EZH1: variants seen among roughly 807,000 people sequenced by gnomAD.
EZH1 encodes the protein enhancer of zeste 1 polycomb repressive complex 2 subunit.
Under a neutral mutation model 100.5 loss-of-function variants are expected in EZH1, and 33 were observed. The ratio of observed to expected loss-of-function variants is 0.33; its 90% CI spans 0.25 to 0.44. EZH1 has a LOEUF of 0.44. EZH1 is among the 20% of genes least tolerant of loss of function. The pLI, the probability that EZH1 is intolerant of heterozygous loss-of-function variation, is 1.00. For synonymous variants in EZH1, 272 were observed against 313.8 expected (o/e 0.87, Z 1.41); for missense variants, 475 against 928.4 (o/e 0.51, Z 6.35).
rs901018657 is a variant in EZH1, at chr17:42,718,155, G to T, written c.932-88C>A. 23 of 1,201,484 alleles carry T rather than the reference G, an allele frequency of 1.9e-5. No homozygotes were observed. Among genetic ancestry groups the T allele is most frequent in the Non-Finnish European group, 2.8e-5 (23 of 826,544 alleles). 74.4% of individuals were successfully genotyped at this position (1,201,484 alleles called of 1,614,324 possible). The stretch of plus-strand genomic sequence containing the variant: ...AAAGTGAATTAGAGAGCTATTGTAG[G>T]AGTTAGAATTCGATATAAACGGCTA... On this transcript the variant is annotated intron_variant, in intron 9 of 20. Coordinates refer to ENST00000428826, the MANE Select transcript of EZH1 (RefSeq NM_001991.5). This position sits in a 1 kb window ranked among gnomAD's most constrained non-coding sequence, Gnocchi z 4.2.
intron 1 of EZH1, among the ~76,000 whole-genome samples, chr17:42,736,173 G>A (rs985852401): frequency 6.6e-6 from 1 of 152,200 alleles, no homozygotes; most frequent in Non-Finnish European, 1.5e-5. Context: ...ACTTGTTGGT[G>A]AGGACGTGAA....
intron 13 of EZH1, 54 bp downstream of exon 13, chr17:42,709,792 A>T: frequency 6.4e-7 from 1 of 1,562,154 alleles, no homozygotes; most frequent in Non-Finnish European, 8.8e-7. Flanking sequence ...GGGAGGTCAG[A>T]GCACAGGGAA....
intron 10 of EZH1, among the ~76,000 whole-genome samples, chr17:42,714,094 T>C (rs1319695378): frequency 6.6e-6 from 1 of 152,222 alleles, no homozygotes; most frequent in Admixed American, 6.5e-5. Context: ...CAAATCTGTG[T>C]ATGAAACTCA....
At position 42,718,310 on chromosome 17, in the gene EZH1, G is replaced by C. The variant is rs1188513713; in HGVS notation, c.931+144C>G. The C allele has an allele frequency of 6.0e-5, 69 of 1,142,100 alleles. 1 individual carries two copies. The East Asian group carries it at 1.7e-3, about 28-fold the overall frequency. 70.7% of individuals were successfully genotyped at this position (1,142,100 alleles called of 1,614,324 possible). On this transcript the variant is annotated intron_variant, in intron 9 of 20. Transcript: ENST00000428826. The surrounding 1 kb of genome is among the most constrained non-coding windows in gnomAD (Gnocchi z 4.2). ...ATGCAAAGCATGTTGCACTATAATT[G>C]AGCAAGGGAAAATAGAACTGGCCCT...
rs142069289 is a variant in EZH1 at position 42,710,456 on chromosome 17, G to A, written c.1402-519C>T. On this transcript the variant is annotated intron_variant, in intron 12 of 20. Coordinates refer to ENST00000428826, the MANE Select transcript of EZH1 (RefSeq NM_001991.5). ...TTCCTTTTCTTTGTTGGGGCTATTGGCCCTTTGTGGGGGATCTTTGAAAAC... is the reference window on the plus strand; with the variant it reads ...TTCCTTTTCTTTGTTGGGGCTATTGACCCTTTGTGGGGGATCTTTGAAAAC... Among the ~76,000 whole-genome samples, 1,008 of 152,180 alleles carry A rather than the reference G, an allele frequency of 6.6e-3. 10 individuals carry two copies. Among genetic ancestry groups the A allele is most frequent in the African/African-American group, 0.023 (968 of 41,502 alleles).
At chr17:42,744,955 G>T (rs887976862) in intron 1 of EZH1, 56 bp downstream of exon 1, 1 of 1,253,326 alleles carries the variant, frequency 8.0e-7, no homozygotes, top group Non-Finnish European at 1.0e-6. Flanking sequence ...GGCCCAGGGC[G>T]GCGAGGGGAG....
intron 1 of EZH1, among the ~76,000 whole-genome samples, chr17:42,736,135 G>T (rs1249824824): frequency 6.6e-6 from 1 of 152,146 alleles, no homozygotes; most frequent in Non-Finnish European, 1.5e-5. Flanking sequence ...CACTACCATG[G>T]CTAAAATGAA....
intron 16 of EZH1, 71 bp from the exon 17 acceptor site, chr17:42,705,254 A>G: frequency 5.3e-6 from 3 of 570,234 alleles, no homozygotes; most frequent in Non-Finnish European, 3.3e-6. Flanking sequence ...GGATGTGCAC[A>G]TGTGTGGTGG....
rs1416817829 is a variant in EZH1, at chr17:42,718,101, C to T, written c.932-34G>A. 1 of 1,566,046 alleles carries T rather than the reference C, an allele frequency of 6.4e-7. No individual in the cohort carries two copies. Among genetic ancestry groups the T allele is most frequent in the Admixed American group, 1.7e-5 (1 of 59,520 alleles). ...CAAAAACTGTCTTGTTGCCAGTGGT[C>T]TATCCACTTGACAAGATGGGGAGAA... On this transcript the variant is annotated intron_variant, in intron 9 of 20. Transcript: ENST00000428826. This position sits in a 1 kb window ranked among gnomAD's most constrained non-coding sequence, Gnocchi z 4.2.
intron 1 of EZH1, among the ~76,000 whole-genome samples, chr17:42,740,408 T>C (rs2054155294): frequency 6.6e-6 from 1 of 152,112 alleles, no homozygotes; most frequent in Non-Finnish European, 1.5e-5. Context: ...CCCAGCTAAT[T>C]TTTGCATTTC....
In EZH1 at chr17:42,703,092, T is replaced by A. The variant is rs143100357; in HGVS notation, c.2099-131A>T. ...AAATGGAATTAGAAAGTAGTCAATA[T>A]GGTAGTTGCCTCTATGCTTTTAGAT... On this transcript the variant is annotated intron_variant, in intron 19 of 20. Coordinates refer to ENST00000428826, the MANE Select transcript of EZH1 (RefSeq NM_001991.5). The A allele has an allele frequency of 7.4e-4, 602 of 811,876 alleles. 9 individuals carry two copies. Among genetic ancestry groups the A allele is most frequent in the South Asian group, 6.8e-3 (460 of 67,478 alleles). The allele number at this position is 811,876 out of a possible 1,614,324, so 50.3% of individuals were successfully genotyped here. A position where few individuals can be genotyped will look rare whatever the true frequency, so the allele number is the denominator to read the frequency against.
intron 1 of EZH1, among the ~76,000 whole-genome samples, chr17:42,739,524 G>A (rs1311114626): frequency 2.0e-5 from 3 of 152,074 alleles, no homozygotes; most frequent in African/African-American, 7.2e-5. Context: ...CTGAGGACAG[G>A]GGTTCGAGAC....
intron 10 of EZH1, among the ~76,000 whole-genome samples, chr17:42,716,467 A>G (rs538321515): frequency 6.6e-6 from 1 of 152,340 alleles, no homozygotes; most frequent in African/African-American, 2.4e-5. Context: ...GTCCAGCATT[A>G]TATTTAATAT....
At chr17:42,736,383 A>G (rs908391475) in intron 1 of EZH1, among the ~76,000 whole-genome samples, 33 of 152,244 alleles carry the variant, frequency 2.2e-4, no homozygotes, top group African/African-American at 8.0e-4. Context: ...ATATTTATTT[A>G]TAATAGCCAA....
chr17:42,714,632 C>A, intron 10 of EZH1: 1 of 294,470 alleles, frequency 3.4e-6, no homozygotes, highest in Non-Finnish European at 6.8e-6. Flanking sequence ...CAAGCAGAGT[C>A]AGAAAGCTCA....
chr17:42,733,889 C>T (rs2054009556), intron 1 of EZH1, among the ~76,000 whole-genome samples: 1 of 138,360 alleles, frequency 7.2e-6, no homozygotes, highest in South Asian at 2.3e-4. Flanking sequence ...TGCAGTGAGC[C>T]GAGACAGCAT....
Position 42,702,596 on chromosome 17 carries a change from T to A in EZH1, c.2184-4A>T. Reference sequence around the variant, plus strand: ...GAGAGCATCAGCTTGGCTGTACCTGTCCCAGAGCAGGGAAGAGGAACCAGG... The same window carrying A: ...GAGAGCATCAGCTTGGCTGTACCTGACCCAGAGCAGGGAAGAGGAACCAGG... On this transcript the variant is annotated splice_polypyrimidine_tract_variant and splice_region_variant and intron_variant, in intron 20 of 20. Coordinates refer to ENST00000428826, the MANE Select transcript of EZH1 (RefSeq NM_001991.5). 6.4e-7 allele frequency: 1 copy of A among 1,566,430 alleles called. No individual in the cohort carries two copies.
intron 1 of EZH1, among the ~76,000 whole-genome samples, chr17:42,733,045 A>AG (rs1404236872): frequency 1.3e-4 from 20 of 150,858 alleles, no homozygotes; most frequent in Non-Finnish European, 2.8e-4. Flanking sequence ...AAAAAAAAAA[A>AG]AAAAAGAAAA....
intron 4 of EZH1, among the ~76,000 whole-genome samples, chr17:42,724,769 G>T (rs761422641): frequency 1.2e-4 from 18 of 150,054 alleles, no homozygotes; most frequent in African/African-American, 4.4e-4. Flanking sequence ...GCGAGACTCT[G>T]TCTCAAGAAA....
Sources: gnomAD v4.1 joint callset for allele counts (sites outside exome capture counted in the v4.1 genomes callset) on GRCh38, gnomAD v4.1.1 for gene constraint, Gnocchi (gnomAD v3.1) non-coding constraint, MANE v1.5 for transcripts, NCBI Gene and HGNC (gene_info 2026-07-23, HGNC 2026-07-21) for gene names.